CNBD1: variants seen among roughly 807,000 people sequenced by gnomAD.
The protein encoded by CNBD1 is cyclic nucleotide-binding domain-containing protein 1.
CNBD1 carries 71 observed loss-of-function variants against 54.4 expected under a neutral mutation model. The ratio of observed to expected loss-of-function variants is 1.30; its 90% CI spans 1.08 to 1.59. The LOEUF (loss-of-function observed/expected upper bound fraction) is 1.59, where lower values mean the gene tolerates loss of function less well. CNBD1 is among the 40% of genes most tolerant of loss of function. The pLI, the probability that CNBD1 is intolerant of heterozygous loss-of-function variation, is 0.00. For missense variants in CNBD1, 659 were observed against 518.0 expected (o/e 1.27, Z -2.64); for synonymous variants, 182 against 170.7 (o/e 1.07, Z -0.51).
chr8:86,957,339 C>G (rs1807804616), intron 4 of CNBD1, among the ~76,000 whole-genome samples: 1 of 152,128 alleles, frequency 6.6e-6, no homozygotes, highest in African/African-American at 2.4e-5. Flanking sequence ...TGATGCTGGC[C>G]TCATAAAATG....
At chr8:86,981,374 T>A (rs1012176906) in intron 4 of CNBD1, among the ~76,000 whole-genome samples, 1 of 152,232 alleles carries the variant, frequency 6.6e-6, no homozygotes. Flanking sequence ...TCTAGAGTTT[T>A]TAGTTTCCTT....
At chr8:87,006,618 C>T (rs917644099) in intron 4 of CNBD1, among the ~76,000 whole-genome samples, 1 of 151,894 alleles carries the variant, frequency 6.6e-6, no homozygotes, top group African/African-American at 2.4e-5. Context: ...GAGGTAGGTG[C>T]CACACACTTT....
intron 3 of CNBD1, among the ~76,000 whole-genome samples, chr8:86,915,743 A>G (rs1395886439): frequency 6.6e-6 from 1 of 152,238 alleles, no homozygotes; most frequent in Admixed American, 6.5e-5. Context: ...GCTAATAATT[A>G]AGAGTGCATT....
intron 5 of CNBD1, among the ~76,000 whole-genome samples, chr8:87,236,189 A>G (rs1358125572): frequency 6.6e-6 from 1 of 152,196 alleles, no homozygotes; most frequent in East Asian, 1.9e-4. Context: ...AGTAATGTAA[A>G]TAAGAAATGG....
At chr8:87,288,184 A>G (rs964970397) in intron 8 of CNBD1, among the ~76,000 whole-genome samples, 5 of 151,864 alleles carry the variant, frequency 3.3e-5, no homozygotes, top group Non-Finnish European at 7.4e-5. Context: ...TTCATCCTTC[A>G]CTGGTCTCTT....
At chr8:87,196,036 G>C (rs1813715844) in intron 4 of CNBD1, among the ~76,000 whole-genome samples, 1 of 151,964 alleles carries the variant, frequency 6.6e-6, no homozygotes, top group South Asian at 2.1e-4. Flanking sequence ...AGAATTTTGA[G>C]CATATTCAAA....
intron 6 of CNBD1, among the ~76,000 whole-genome samples, chr8:87,241,691 A>C (rs1807712118): frequency 6.6e-6 from 1 of 152,172 alleles, no homozygotes; most frequent in South Asian, 2.1e-4. Flanking sequence ...AAAGGCAGGG[A>C]ATACACAGTG....
At chr8:87,291,385 T>G (rs915853906) in intron 8 of CNBD1, among the ~76,000 whole-genome samples, 4 of 152,194 alleles carry the variant, frequency 2.6e-5, no homozygotes, top group Admixed American at 2.6e-4. Context: ...TATTGCTCTT[T>G]CTTGCTTGCA....
chr8:86,870,551 C>T (rs988619761), intron 1 of CNBD1, among the ~76,000 whole-genome samples: 4 of 152,086 alleles, frequency 2.6e-5, no homozygotes, highest in African/African-American at 9.7e-5. Context: ...CATTTTATGG[C>T]TTTACATTTA....
chr8:87,234,496 G>T (rs761693131), intron 5 of CNBD1, among the ~76,000 whole-genome samples: 1 of 152,154 alleles, frequency 6.6e-6, no homozygotes, highest in Non-Finnish European at 1.5e-5. Flanking sequence ...ACACAATTCC[G>T]TCAGAGTTCT....
chr8:87,257,138 G>A (rs1219931923), intron 6 of CNBD1, among the ~76,000 whole-genome samples: 1 of 152,016 alleles, frequency 6.6e-6, no homozygotes, highest in African/African-American at 2.4e-5. Flanking sequence ...GGGAGACTGA[G>A]GTGGGTGGAT....
intron 4 of CNBD1, among the ~76,000 whole-genome samples, chr8:87,078,962 G>C (rs949537140): frequency 1.3e-5 from 2 of 151,878 alleles, no homozygotes; most frequent in African/African-American, 4.8e-5. Context: ...ACCAATATTA[G>C]ACAAAACTGT....
chr8:87,365,676 G>C (rs1482367339), intron 10 of CNBD1, among the ~76,000 whole-genome samples: 1 of 151,918 alleles, frequency 6.6e-6, no homozygotes, highest in African/African-American at 2.4e-5. Context: ...ACACAATTTT[G>C]ATGTATTCAG....
In CNBD1 at chr8:86,956,263, A is replaced by G. The variant is rs1302740403; in HGVS notation, c.431+16509A>G. On this transcript the variant is annotated intron_variant, in intron 4 of 10. Transcript: ENST00000518476. ...GTAGTATAGTTTGAAGTCAGGTAGCATGATGCCTCCAGCTTTGTTCTTTTG... is the reference window on the plus strand; with the variant it reads ...GTAGTATAGTTTGAAGTCAGGTAGCGTGATGCCTCCAGCTTTGTTCTTTTG... Among the ~76,000 whole-genome samples the G allele has an allele frequency of 7.9e-5, 12 of 151,978 alleles. 1 individual carries two copies. The highest frequency in any genetic ancestry group is 5.9e-4 in the Admixed American group (9 of 15,230).
intron 4 of CNBD1, among the ~76,000 whole-genome samples, chr8:87,095,609 A>G (rs1268688253): frequency 6.6e-6 from 1 of 152,236 alleles, no homozygotes; most frequent in Non-Finnish European, 1.5e-5. Flanking sequence ...AACTAGGCCT[A>G]TGGCAAACAA....
intron 8 of CNBD1, among the ~76,000 whole-genome samples, chr8:87,327,923 G>A (rs111618906): frequency 1.3e-5 from 2 of 152,062 alleles, no homozygotes; most frequent in Non-Finnish European, 2.9e-5. Context: ...TATTGTGTAA[G>A]GTAAGAGTCT....
intron 1 of CNBD1, among the ~76,000 whole-genome samples, chr8:86,880,482 G>A (rs1234884094): frequency 6.6e-6 from 1 of 152,128 alleles, no homozygotes; most frequent in Non-Finnish European, 1.5e-5. Flanking sequence ...ATGTGCATAG[G>A]TTATCTGAAA....
At chr8:87,075,440 A>G (rs1810848770) in intron 4 of CNBD1, among the ~76,000 whole-genome samples, 1 of 152,206 alleles carries the variant, frequency 6.6e-6, no homozygotes, top group Non-Finnish European at 1.5e-5. Flanking sequence ...CTCACCAAAA[A>G]AAGTATAAAA....
chr8:87,117,417 A>G (rs1260471909), intron 4 of CNBD1, among the ~76,000 whole-genome samples: 3 of 148,260 alleles, frequency 2.0e-5, no homozygotes, highest in Non-Finnish European at 4.5e-5. Context: ...AAAAAAAAAG[A>G]ACTGAGAACA....
Sources: gnomAD v4.1 joint callset for allele counts (sites outside exome capture counted in the v4.1 genomes callset) on GRCh38, gnomAD v4.1.1 for gene constraint, MANE v1.5 for transcripts, NCBI Gene and HGNC (gene_info 2026-07-23, HGNC 2026-07-21) for gene names.